Variants in NRG3 observed in about 807,000 individuals in gnomAD.
The protein encoded by NRG3 is pro-neuregulin-3, membrane-bound isoform.
In NRG3, 31 loss-of-function variants were observed where a neutral mutation model predicts 66.9. The observed-to-expected ratio is 0.46, with a 90% CI of 0.35 to 0.63. NRG3 has a LOEUF of 0.63. Ranked by LOEUF, NRG3 falls within the 20% of genes least tolerant of loss-of-function variation. The pLI is 0.00. For missense variants in NRG3, 910 were observed against 878.9 expected (o/e 1.04, Z -0.45); for synonymous variants, 393 against 359.4 (o/e 1.09, Z -1.06).
intron 2 of NRG3, among the ~76,000 whole-genome samples, chr10:82,546,397 T>G (rs920334178): frequency 6.6e-6 from 1 of 152,218 alleles, no homozygotes; most frequent in Non-Finnish European, 1.5e-5. Context: ...AAACATAGTT[T>G]AACTTAAAAA....
At chr10:82,747,750 A>T (rs770407972) in intron 3 of NRG3, among the ~76,000 whole-genome samples, 7 of 151,968 alleles carry the variant, frequency 4.6e-5, no homozygotes, top group Non-Finnish European at 7.4e-5. Flanking sequence ...TAATTTTTCC[A>T]GATTGCTCTT....
At chr10:82,677,857 T>G (rs2053828172) in intron 2 of NRG3, among the ~76,000 whole-genome samples, 1 of 152,132 alleles carries the variant, frequency 6.6e-6, no homozygotes, top group African/African-American at 2.4e-5. Flanking sequence ...TGTCTTGGGT[T>G]TTGTATGTTG....
intron 1 of NRG3, among the ~76,000 whole-genome samples, chr10:82,348,179 T>G (rs2083163070): frequency 6.6e-6 from 1 of 152,250 alleles, no homozygotes; most frequent in Non-Finnish European, 1.5e-5. Context: ...TCTTTACATT[T>G]TGGCATGATT....
intron 2 of NRG3, among the ~76,000 whole-genome samples, chr10:82,627,003 A>ATTTT (rs58880846): frequency 6.7e-6 from 1 of 148,848 alleles, no homozygotes; most frequent in Non-Finnish European, 1.5e-5. Context: ...CTATTTAGCT[A>ATTTT]TTTTTTTTTT....
Position 82,932,058 on chromosome 10 carries a change from C to A in NRG3, c.1055-19411C>A, listed in dbSNP as rs190811749. ...GCTCCCACCTGCCCATGGGAAGGACCACAGGGATCTTGTGCAGCATCCCCA... is the reference window on the plus strand; with the variant it reads ...GCTCCCACCTGCCCATGGGAAGGACAACAGGGATCTTGTGCAGCATCCCCA... On this transcript the variant is annotated intron_variant, in intron 4 of 8. Transcript: ENST00000372141. Among the ~76,000 whole-genome samples, 18 of 152,262 alleles carry A rather than the reference C, an allele frequency of 1.2e-4. No homozygotes were observed. The East Asian group carries it at 3.5e-3, about 29-fold the overall frequency.
At chr10:82,285,570 T>G (rs2079373716) in intron 1 of NRG3, among the ~76,000 whole-genome samples, 1 of 152,158 alleles carries the variant, frequency 6.6e-6, no homozygotes, top group African/African-American at 2.4e-5. Flanking sequence ...AGGTATTATT[T>G]AATAGGAATG....
chr10:82,122,526 A>G (rs2132384906), intron 1 of NRG3, among the ~76,000 whole-genome samples: 1 of 152,240 alleles, frequency 6.6e-6, no homozygotes, highest in East Asian at 1.9e-4. Flanking sequence ...TCTTTCAGTA[A>G]TGAGAGTTGA....
chr10:82,803,711 T>C lies in NRG3; in HGVS notation c.1028-61700T>C, dbSNP rs898237396. On this transcript the variant is annotated intron_variant, in intron 3 of 8. Transcript: ENST00000372141. ...GCTTTCAAGTCAGACATGCCCATGA[T>C]GAAGCGTAAATATGTATTTTGAGTT... 2.6e-5 allele frequency among the ~76,000 whole-genome samples: 4 copies of C among 151,968 alleles called. No homozygotes were observed. In the East Asian group the frequency reaches 7.7e-4, roughly 29 times the overall value.
chr10:82,027,977 T>G (rs2062393132), intron 1 of NRG3, among the ~76,000 whole-genome samples: 2 of 152,268 alleles, frequency 1.3e-5, no homozygotes, highest in South Asian at 2.1e-4. Context: ...CACTACTCAC[T>G]GCCCACTGCA....
chr10:82,347,065 C>G (rs1233276396), intron 1 of NRG3, among the ~76,000 whole-genome samples: 1 of 150,890 alleles, frequency 6.6e-6, no homozygotes, highest in East Asian at 1.9e-4. Context: ...TCTCTATTTC[C>G]TTCAGTTCTG....
rs143588426 is a variant in NRG3, at chr10:82,800,184, T to C, written c.1027+61534T>C. ...GACTATTACTTGTGATTTAAAAAAC[T>C]ATATTTGCTAGCTATCTGAAAATCA... On this transcript the variant is annotated intron_variant, in intron 3 of 8. Coordinates refer to ENST00000372141, the MANE Select transcript of NRG3 (RefSeq NM_001010848.4). Among the ~76,000 whole-genome samples the C allele has an allele frequency of 8.4e-4, 128 of 152,366 alleles. 1 individual carries two copies. In the East Asian group the frequency reaches 0.023, roughly 28 times the overall value.
intron 3 of NRG3, among the ~76,000 whole-genome samples, chr10:82,775,971 T>C (rs1478441744): frequency 6.6e-6 from 1 of 152,174 alleles, no homozygotes; most frequent in African/African-American, 2.4e-5. Context: ...ATTTACACAT[T>C]GTCATTGCAG....
At chr10:82,800,803 A>G (rs2061002588) in intron 3 of NRG3, among the ~76,000 whole-genome samples, 1 of 152,148 alleles carries the variant, frequency 6.6e-6, no homozygotes, top group Non-Finnish European at 1.5e-5. Context: ...TCCCAATTTG[A>G]ATTTTCACTT....
chr10:81,948,602 A>T (rs1212420343), intron 1 of NRG3, among the ~76,000 whole-genome samples: 1 of 152,160 alleles, frequency 6.6e-6, no homozygotes, highest in African/African-American at 2.4e-5. Flanking sequence ...TGAAACAGGC[A>T]GTGCTGTACA....
intron 1 of NRG3, among the ~76,000 whole-genome samples, chr10:82,124,789 A>G (rs1298536761): frequency 1.3e-5 from 2 of 152,010 alleles, no homozygotes; most frequent in African/African-American, 4.8e-5. Flanking sequence ...AAGGAAAAAA[A>G]TACCACAGTA....
intron 1 of NRG3, among the ~76,000 whole-genome samples, chr10:82,240,883 A>G (rs1194450889): frequency 1.3e-5 from 2 of 152,124 alleles, no homozygotes; most frequent in Non-Finnish European, 2.9e-5. Flanking sequence ...ACGTTATGAC[A>G]TAGGCAAGTA....
In NRG3 at chr10:82,856,968, C is replaced by A. The variant is rs566749583; in HGVS notation, c.1028-8443C>A. Among the ~76,000 whole-genome samples the A allele has an allele frequency of 2.6e-5, 4 of 152,204 alleles. No individual in the cohort carries two copies. The South Asian group carries it at 8.3e-4, about 32-fold the overall frequency. Reference sequence around the variant, plus strand: ...GTATTTTCTTTCTGAATGAAGAATTCTTCTCTATAATGGTAATTCCTATTA... The same window carrying A: ...GTATTTTCTTTCTGAATGAAGAATTATTCTCTATAATGGTAATTCCTATTA... On this transcript the variant is annotated intron_variant, in intron 3 of 8. Transcript: ENST00000372141.
At chr10:82,563,837 A>T (rs866187166) in intron 2 of NRG3, among the ~76,000 whole-genome samples, 1 of 152,120 alleles carries the variant, frequency 6.6e-6, no homozygotes, top group African/African-American at 2.4e-5. Context: ...TGAAACTAAA[A>T]TTTTCTATCT....
chr10:82,353,595 A>C (rs1273383426), intron 1 of NRG3, among the ~76,000 whole-genome samples: 1 of 152,216 alleles, frequency 6.6e-6, no homozygotes, highest in Non-Finnish European at 1.5e-5. Flanking sequence ...AAACGTATAA[A>C]AAAAATAAGA....
Sources: allele counts gnomAD v4.1 joint callset (sites outside exome capture counted in the v4.1 genomes callset), GRCh38; gene constraint gnomAD v4.1.1; transcripts MANE v1.5; gene names NCBI Gene and HGNC (gene_info 2026-07-23, HGNC 2026-07-21).